PCNX1: variants seen among roughly 807,000 people sequenced by gnomAD.
PCNX1 encodes pecanex-like protein 1.
Under a neutral mutation model 242.2 loss-of-function variants are expected in PCNX1, and 78 were observed. That is an observed-to-expected ratio of 0.32 (90% confidence interval 0.27 to 0.39). The LOEUF is 0.39. PCNX1 is among the 10% of genes least tolerant of loss of function. PCNX1 has a pLI of 1.00. For missense variants in PCNX1, 2,581 were observed against 2,856.5 expected (o/e 0.90, Z 2.20); for synonymous variants, 1,024 against 1,032.9 (o/e 0.99, Z 0.17).
rs191218069 is a variant in PCNX1, at chr14:71,102,359, C to T, written c.5820+139C>T. ...CATGATCATGGGCTTACTGCAGGCT[C>T]TCGACCTCCCTTTGCTCCACCTCAG... is the stretch of plus-strand genomic sequence containing the variant. On this transcript the variant is annotated intron_variant, in intron 31 of 35. Transcript: ENST00000304743. The T allele has an allele frequency of 5.8e-4, 356 of 610,552 alleles. 1 individual carries two copies. In the African/African-American group the frequency reaches 6.1e-3, roughly 10 times the overall value. 37.8% of individuals were successfully genotyped at this position (610,552 alleles called of 1,614,324 possible). A position where few individuals can be genotyped will look rare whatever the true frequency, so the allele number is the denominator to read the frequency against.
At chr14:70,952,171 A>T (rs777554235) in intron 2 of PCNX1, among the ~76,000 whole-genome samples, 27 of 152,322 alleles carry the variant, frequency 1.8e-4, no homozygotes, top group Non-Finnish European at 2.1e-4. Context: ...ATAATTCCTG[A>T]CACATGGTAA....
At chr14:71,040,217 C>T (rs1386288591) in intron 19 of PCNX1, among the ~76,000 whole-genome samples, 6 of 152,048 alleles carry the variant, frequency 3.9e-5, no homozygotes, top group Admixed American at 6.6e-5. Flanking sequence ...GTCCTTATTT[C>T]GCTATTGGTA....
chr14:71,042,264 G>C (rs1027240535), intron 19 of PCNX1, among the ~76,000 whole-genome samples: 3 of 152,096 alleles, frequency 2.0e-5, no homozygotes, highest in African/African-American at 7.2e-5. Context: ...TGTTGAAATC[G>C]AGGTGTTGAT....
rs188511903 is a variant in PCNX1, at chr14:71,005,154, G to T, written c.2630-4480G>T. On this transcript the variant is annotated intron_variant, in intron 8 of 35. Transcript: ENST00000304743. Reference sequence around the variant, plus strand: ...ACACTATGGATGATTTGTTGTTCTAGTAACCACCTCCTTCCAAGATACATA... The same window carrying T: ...ACACTATGGATGATTTGTTGTTCTATTAACCACCTCCTTCCAAGATACATA... Among the ~76,000 whole-genome samples, 57 of 152,286 alleles carry T rather than the reference G, an allele frequency of 3.7e-4. 1 individual carries two copies. Among genetic ancestry groups the T allele is most frequent in the Middle Eastern group, 3.4e-3 (1 of 292 alleles).
intron 30 of PCNX1, among the ~76,000 whole-genome samples, chr14:71,090,443 T>G (rs1032852959): frequency 1.1e-4 from 17 of 152,328 alleles, no homozygotes; most frequent in Admixed American, 2.0e-4. Flanking sequence ...TAGTATAATC[T>G]AAAGTGTGGG....
In PCNX1 at chr14:70,988,620, AGGCGCCAGGCAGTAC is replaced by A. The variant is rs770518833; in HGVS notation, c.2372_2386del (p.Gln791_Arg795del). 1 of 1,614,110 alleles carries A rather than the reference AGGCGCCAGGCAGTAC, an allele frequency of 6.2e-7. No homozygotes were observed. The highest frequency in any genetic ancestry group is 1.3e-5 in the African/African-American group (1 of 75,048). On this transcript the variant is annotated inframe_deletion, in exon 7 of 36. Transcript: ENST00000304743. ...ATTTCGCCGTGAACGCAGCACATTTAGGCGCCAGGCAGTACGGCGCCGGCACAATGCAGGGAGTAA... is the reference window on the plus strand; with the variant it reads ...ATTTCGCCGTGAACGCAGCACATTTAGGCGCCGGCACAATGCAGGGAGTAA...
intron 8 of PCNX1, among the ~76,000 whole-genome samples, chr14:70,999,674 A>C (rs1215728972): frequency 6.6e-6 from 1 of 152,184 alleles, no homozygotes; most frequent in Non-Finnish European, 1.5e-5. Context: ...GAGCTTGTTA[A>C]CTTGAAAATG....
chr14:70,939,328 T>C (rs1370911584), intron 1 of PCNX1, among the ~76,000 whole-genome samples: 5 of 152,248 alleles, frequency 3.3e-5, no homozygotes, highest in Non-Finnish European at 7.3e-5. Flanking sequence ...TCTGGTATGT[T>C]GTGTCTTTGT....
intron 2 of PCNX1, among the ~76,000 whole-genome samples, chr14:70,955,563 G>C (rs780067292): frequency 7.9e-5 from 12 of 152,038 alleles, no homozygotes; most frequent in Non-Finnish European, 1.3e-4. Flanking sequence ...CCCTGTACCT[G>C]GTTTGTTTTT....
chr14:70,948,580 CAT>C (rs2057556007), intron 2 of PCNX1, among the ~76,000 whole-genome samples: 1 of 144,836 alleles, frequency 6.9e-6, no homozygotes, highest in African/African-American at 2.5e-5. Context: ...TATATATACA[CAT>C]ATGCATATAT....
chr14:70,915,305 CA>C (rs1251804826), intron 1 of PCNX1, among the ~76,000 whole-genome samples: 3 of 152,122 alleles, frequency 2.0e-5, no homozygotes, highest in African/African-American at 7.2e-5. Context: ...TTTCTCTTTC[CA>C]AATAAGACCA....
At chr14:70,946,119 T>C (rs1353522589) in intron 1 of PCNX1, among the ~76,000 whole-genome samples, 2 of 152,254 alleles carry the variant, frequency 1.3e-5, no homozygotes, top group African/African-American at 2.4e-5. Context: ...GGCTGACTTA[T>C]TTTATTTAAT....
chr14:70,951,451 T>G lies in PCNX1; in HGVS notation c.362+4328T>G, dbSNP rs539207954. ...GTGCAGTGGTGCGATCTCGGCTCACTGCAACCTCCACCTCCCAGGTTCAAA... is the reference window on the plus strand; with the variant it reads ...GTGCAGTGGTGCGATCTCGGCTCACGGCAACCTCCACCTCCCAGGTTCAAA... On this transcript the variant is annotated intron_variant, in intron 2 of 35. Transcript: ENST00000304743. 3.9e-5 allele frequency among the ~76,000 whole-genome samples: 6 copies of G among 152,224 alleles called. No homozygotes were observed. In the South Asian group the frequency reaches 1.0e-3, roughly 26 times the overall value.
chr14:71,100,618 T>G (rs2062437162), intron 30 of PCNX1, among the ~76,000 whole-genome samples: 1 of 152,210 alleles, frequency 6.6e-6, no homozygotes, highest in South Asian at 2.1e-4. Flanking sequence ...AGATTTCTTG[T>G]ATCTGGATGT....
intron 5 of PCNX1, among the ~76,000 whole-genome samples, chr14:70,971,985 G>T (rs1389753867): frequency 2.0e-5 from 3 of 152,168 alleles, no homozygotes; most frequent in African/African-American, 7.2e-5. Context: ...AATCACTCCG[G>T]CTCCTATTTT....
rs1595457371 is a variant in PCNX1, at chr14:71,080,169, G to T, written c.5337+3750G>T. On this transcript the variant is annotated intron_variant, in intron 28 of 35. Transcript: ENST00000304743. ...TCTTGTTTTTGTCAGGTTTGTCAAA[G>T]ATCAGATGGTTGTAGATGAGTGGCA... Among the ~76,000 whole-genome samples, 3 of 152,298 alleles carry T rather than the reference G, an allele frequency of 2.0e-5. 1 individual carries two copies. The East Asian group carries it at 5.8e-4, about 29-fold the overall frequency.
chr14:70,953,643 G>GT (rs1352802411), intron 2 of PCNX1, among the ~76,000 whole-genome samples: 2 of 109,994 alleles, frequency 1.8e-5, no homozygotes, highest in Non-Finnish European at 3.9e-5. Flanking sequence ...CAGGTTTTTT[G>GT]TTTTTTGTGT....
intron 24 of PCNX1, 81 bp downstream of exon 24, chr14:71,052,093 T>G (rs2061053384): frequency 9.8e-7 from 1 of 1,021,514 alleles, no homozygotes; most frequent in Non-Finnish European, 1.4e-6. Flanking sequence ...TATTAGAATT[T>G]ATGGTTCATA....
intron 26 of PCNX1, among the ~76,000 whole-genome samples, chr14:71,069,755 A>C (rs930601544): frequency 6.6e-6 from 1 of 152,198 alleles, no homozygotes; most frequent in Non-Finnish European, 1.5e-5. Flanking sequence ...AGTGAGTTGT[A>C]ATCTTTTTGC....
Sources: allele counts gnomAD v4.1 joint callset (sites outside exome capture counted in the v4.1 genomes callset), GRCh38; gene constraint gnomAD v4.1.1; transcripts MANE v1.5; gene names NCBI Gene and HGNC (gene_info 2026-07-23, HGNC 2026-07-21).